The following ASIP variants were observed in gnomAD, a reference collection of about 807,000 sequenced individuals.
ASIP encodes the protein agouti-signaling protein.
A neutral mutation model predicts 10.3 loss-of-function variants in ASIP; 11 were observed. That is an observed-to-expected ratio of 1.07 (90% CI 0.68 to 1.78). The LOEUF is 1.78. Among genes scored for constraint, ASIP ranks in the 40% most tolerant of loss-of-function variants. ASIP has a pLI of 0.00. For synonymous variants in ASIP, 70 were observed against 70.8 expected, an observed-to-expected ratio of 0.99 and a Z score of 0.06; for missense variants, 180 against 169.2, an observed-to-expected ratio of 1.06 and a Z score of -0.35.
intron 1 of ASIP, among the ~76,000 whole-genome samples, chr20:34,235,786 GAAGAAAGAAAGAAAGAAAGAAAGA>G (rs572242709): frequency 1.6e-5 from 1 of 61,320 alleles, no homozygotes; most frequent in African/African-American, 5.4e-5. Flanking sequence ...CTCTGAGAAA[GAAGAAAGAAAGAAAGAAAGAAAGA>G]AAGAAAGAAA....
intron 1 of ASIP, among the ~76,000 whole-genome samples, chr20:34,256,750 C>T (rs1319693235): frequency 6.6e-6 from 1 of 152,124 alleles, no homozygotes; most frequent in Non-Finnish European, 1.5e-5. Flanking sequence ...TTATAACATG[C>T]CTCTTGTAAC....
At chr20:34,254,048 T>C (rs374388025) in intron 1 of ASIP, among the ~76,000 whole-genome samples, 5 of 152,000 alleles carry the variant, frequency 3.3e-5, no homozygotes, top group African/African-American at 1.2e-4. Flanking sequence ...TATTGTCCTG[T>C]TTTTTTGTTT....
In ASIP at chr20:34,255,049, C is replaced by T. The variant is rs117021593; in HGVS notation, c.-10-5316C>T. ...TTGACCTGGTGAGATCTCCTGCCTA[C>T]CCATTGTGCAGTGAATAGTGTTTAC... is the stretch of plus-strand genomic sequence containing the variant. On this transcript the variant is annotated intron_variant, in intron 1 of 3. Coordinates refer to ENST00000374954, the MANE Select transcript of ASIP (RefSeq NM_001672.3). 3.3e-5 allele frequency among the ~76,000 whole-genome samples: 5 copies of T among 152,280 alleles called. No homozygotes were observed. In the East Asian group the frequency reaches 9.6e-4, roughly 29 times the overall value.
chr20:34,226,370 T>C (rs2035093078), intron 1 of ASIP, among the ~76,000 whole-genome samples: 1 of 152,132 alleles, frequency 6.6e-6, no homozygotes, highest in Admixed American at 6.6e-5. Context: ...TTTTTTATTT[T>C]GAGATGGAGT....
intron 1 of ASIP, chr20:34,213,615 C>G (rs113368131): frequency 1.5e-5 from 23 of 1,566,042 alleles, no homozygotes; most frequent in African/African-American, 8.1e-5. Context: ...TGAATTTGGC[C>G]GTAATCTGGT....
chr20:34,257,070 C>CTTT (rs56227909), intron 1 of ASIP, among the ~76,000 whole-genome samples: 235 of 139,434 alleles, frequency 1.7e-3, no homozygotes, highest in African/African-American at 5.7e-3. Flanking sequence ...CTTTCTTTCT[C>CTTT]TTTTTTTTTT....
At position 34,235,269 on chromosome 20, in the gene ASIP, G is replaced by A. The variant is rs113236118; in HGVS notation, c.-10-25096G>A. On this transcript the variant is annotated intron_variant, in intron 1 of 3. Coordinates refer to the ASIP transcript ENST00000568305. ...AGCCTGATCAACATTGTGAAACCCC[G>A]TCTCTACTAAAAATACAAAAATTAG... Among the ~76,000 whole-genome samples, 384 of 152,118 alleles carry A rather than the reference G, an allele frequency of 2.5e-3. 1 individual carries two copies. The highest frequency in any genetic ancestry group is 8.9e-3 in the African/African-American group (370 of 41,486).
At chr20:34,238,206 C>T (rs1347739388), upstream of ASIP, among the ~76,000 whole-genome samples, 1 of 152,064 alleles carries the variant, frequency 6.6e-6, no homozygotes, top group Non-Finnish European at 1.5e-5. Context: ...CTTTGGAAGT[C>T]TTAATCAATG....
rs959424381 is a variant in ASIP, at chr20:34,198,081, G to A, written c.-11+3321G>A. The stretch of plus-strand genomic sequence containing the variant: ...ATTTTTTTTTTTTTTTTTTTGAGAC[G>A]GAGTCTCACTCTGCCACTCAGGCTG... On this transcript the variant is annotated intron_variant, in intron 1 of 3. Coordinates refer to the ASIP transcript ENST00000568305. Among the ~76,000 whole-genome samples the A allele has an allele frequency of 2.1e-4, 30 of 143,944 alleles. 1 individual carries two copies. The East Asian group carries it at 5.5e-3, about 26-fold the overall frequency. 94.4% of individuals were successfully genotyped at this position (143,944 alleles called of 152,430 possible).
chr20:34,215,318 G>T, intron 1 of ASIP: 2 of 1,559,544 alleles, frequency 1.3e-6, no homozygotes, highest in South Asian at 1.1e-5. Context: ...TGATAATTTT[G>T]TGATATTTGG....
intron 1 of ASIP, among the ~76,000 whole-genome samples, chr20:34,245,444 A>C (rs975785347): frequency 7.3e-5 from 11 of 150,464 alleles, no homozygotes; most frequent in Non-Finnish European, 1.3e-4. Flanking sequence ...GTTGGAGTGC[A>C]ATGGCAGATC....
At chr20:34,197,887 G>T (rs1406535545) in intron 1 of ASIP, among the ~76,000 whole-genome samples, 5 of 151,960 alleles carry the variant, frequency 3.3e-5, no homozygotes, top group Admixed American at 3.3e-4. Flanking sequence ...CCGCCTCAGG[G>T]GTTCCATCTT....
At chr20:34,267,076 T>C (rs557910295) in intron 3 of ASIP, among the ~76,000 whole-genome samples, 2 of 152,284 alleles carry the variant, frequency 1.3e-5, no homozygotes, top group Non-Finnish European at 2.9e-5. Context: ...GATGAGATTA[T>C]TGACAGATAA....
At chr20:34,192,356 G>A (rs958590348), upstream of ASIP, among the ~76,000 whole-genome samples, 13 of 152,180 alleles carry the variant, frequency 8.5e-5, no homozygotes, top group Non-Finnish European at 1.6e-4. Context: ...ACAGCGTCTC[G>A]CTCTCTTGCC....
chr20:34,244,770 A>G (rs1475997842), intron 1 of ASIP, among the ~76,000 whole-genome samples: 1 of 152,202 alleles, frequency 6.6e-6, no homozygotes, highest in East Asian at 1.9e-4. Flanking sequence ...TTTATCAAAT[A>G]ATCTCCAGAA....
intron 1 of ASIP, chr20:34,214,585 C>T (rs1331370399): frequency 1.5e-5 from 21 of 1,365,614 alleles, no homozygotes; most frequent in African/African-American, 1.2e-4. Context: ...AAAAACTCTG[C>T]GAACAGAGGC....
At chr20:34,202,247 C>T (rs2034904589) in intron 1 of ASIP, among the ~76,000 whole-genome samples, 1 of 152,136 alleles carries the variant, frequency 6.6e-6, no homozygotes, top group African/African-American at 2.4e-5. Context: ...CAACATGTAG[C>T]CACTGAATGG....
chr20:34,269,330 T>G lies in ASIP; in HGVS notation c.*163T>G. The G allele has an allele frequency of 1.1e-6, 1 of 901,624 alleles. No homozygotes were observed. Among genetic ancestry groups the G allele is most frequent in the Non-Finnish European group, 1.6e-6 (1 of 628,684 alleles). The allele number at this position is 901,624 out of a possible 1,614,324, so 55.9% of individuals were successfully genotyped here. A position where few individuals can be genotyped will look rare whatever the true frequency, so the allele number is the denominator to read the frequency against. On this transcript the variant is annotated 3_prime_UTR_variant, in exon 4 of 4. Coordinates refer to ENST00000374954, the MANE Select transcript of ASIP (RefSeq NM_001672.3). ...GGCTTGGGCTAAAATCGAAATACAA[T>G]ATATATAGGCTGCTCGAAGGTGTGC...
upstream of ASIP, among the ~76,000 whole-genome samples, chr20:34,190,916 A>G (rs2034820984): frequency 6.6e-6 from 1 of 152,126 alleles, no homozygotes; most frequent in African/African-American, 2.4e-5. Flanking sequence ...TGAGTCCACC[A>G]TTGACTCAGG....
Sources: gnomAD v4.1 joint callset for allele counts (sites outside exome capture counted in the v4.1 genomes callset) on GRCh38, gnomAD v4.1.1 for gene constraint, MANE v1.5 for transcripts, NCBI Gene and HGNC (gene_info 2026-07-23, HGNC 2026-07-21) for gene names.